The following KLHL6 variants were observed in gnomAD, a reference collection of about 807,000 sequenced individuals.
KLHL6 encodes kelch like family member 6.
KLHL6 carries 41 observed loss-of-function variants against 58.6 expected under a neutral mutation model. The observed-to-expected ratio is 0.70, with a 90% CI of 0.55 to 0.91. The LOEUF (loss-of-function observed/expected upper bound fraction) is 0.91, where lower values mean the gene tolerates loss of function less well. Among genes scored for constraint, KLHL6 ranks in the 40% least tolerant of loss-of-function variants. KLHL6 has a pLI of 0.00. For missense variants in KLHL6, 714 were observed against 805.6 expected (o/e 0.89, Z 1.38); for synonymous variants, 338 against 322.7 (o/e 1.05, Z -0.51).
chr3:183,504,728 G>A (rs1384533097), intron 3 of KLHL6, among the ~76,000 whole-genome samples: 1 of 152,176 alleles, frequency 6.6e-6, no homozygotes, highest in Admixed American at 6.5e-5. Context: ...TTCAGCATGT[G>A]CAGATTTGTT....
chr3:183,493,930 A>T, intron 5 of KLHL6, 149 bp downstream of exon 5: 1 of 713,844 alleles, frequency 1.4e-6, no homozygotes, highest in South Asian at 1.7e-5. Flanking sequence ...AGCTCCTAGG[A>T]GGAGGGAAGC....
Position 183,492,696 on chromosome 3 carries a change from G to A in KLHL6, c.1362C>T (p.Leu454=). The change falls in exon 6 of 7, where the codon CTC becomes CTT. Residue 454 remains leucine (L), a synonymous_variant. Coordinates refer to ENST00000341319, the MANE Select transcript of KLHL6 (RefSeq NM_130446.4). This position sits in a 1 kb window ranked among gnomAD's most constrained non-coding sequence, Gnocchi z 5.9. ...CTGCAAAGGAACTGACATGGACAAG[G>A]AGGGGTGCGGCCTGTAGAGGCACAG... The part of the protein sequence containing the change: ...FHNCWSEAAP[L]LVHVSSFAAT... The A allele has an allele frequency of 6.2e-7, 1 of 1,613,356 alleles. No individual in the cohort carries two copies. Among genetic ancestry groups the A allele is most frequent in the African/African-American group, 1.3e-5 (1 of 75,026 alleles).
At position 183,491,937 on chromosome 3, in the gene KLHL6, A is replaced by T; in HGVS notation, c.1856T>A (p.Val619Glu). The T allele has an allele frequency of 6.7e-7, 1 of 1,494,604 alleles. No individual in the cohort carries two copies. Among genetic ancestry groups the T allele is most frequent in the African/African-American group, 1.4e-5 (1 of 71,416 alleles). 92.6% of individuals were successfully genotyped at this position (1,494,604 alleles called of 1,614,324 possible). A position where few individuals can be genotyped will look rare whatever the true frequency, so the allele number is the denominator to read the frequency against. Residue 619 changes from valine to glutamate, a missense_variant, in exon 7 of 7, where the codon GTG becomes GAG. Coordinates refer to ENST00000341319, the MANE Select transcript of KLHL6 (RefSeq NM_130446.4). ...CTCCCCATCCTGCCGTCAGACAGAC[A>T]CTGCTCCGGGCACGATCCTGCGGAT... ...THIRRIVPGA[V>E]SV
chr3:183,551,812 G>GT (rs1380522329), intron 1 of KLHL6, among the ~76,000 whole-genome samples: 2 of 151,936 alleles, frequency 1.3e-5, no homozygotes, highest in Non-Finnish European at 1.5e-5. Flanking sequence ...AGGAATTTTT[G>GT]TTTTTTCATT....
chr3:183,514,517 G>C (rs1711508710), intron 2 of KLHL6, among the ~76,000 whole-genome samples: 1 of 151,856 alleles, frequency 6.6e-6, no homozygotes, highest in African/African-American at 2.4e-5. Context: ...CAACTCCAGA[G>C]CCCAACTTTT....
intron 3 of KLHL6, among the ~76,000 whole-genome samples, chr3:183,506,878 G>C (rs971025628): frequency 1.7e-4 from 25 of 150,246 alleles, no homozygotes; most frequent in Non-Finnish European, 3.0e-4. Context: ...ATAAATAAAA[G>C]GAGAAGTCTC....
Position 183,534,150 on chromosome 3 carries a change from A to ACTTTT in KLHL6, c.294-6141_294-6140insAAAAG, listed in dbSNP as rs1455531221. Among the ~76,000 whole-genome samples the ACTTTT allele has an allele frequency of 1.2e-3, 181 of 149,862 alleles. 3 individuals carry two copies. The highest frequency in any genetic ancestry group is 0.01 in the Admixed American group (157 of 15,010). On this transcript the variant is annotated intron_variant, in intron 1 of 6. Transcript: ENST00000341319. ...GTACTTTGTACTTTTAAAGTACTTTAAAAGTACTTTAAAAGACATTACTTT... is the reference window on the plus strand; with the variant it reads ...GTACTTTGTACTTTTAAAGTACTTTACTTTTAAAGTACTTTAAAAGACATTACTTT...
chr3:183,554,789 C>T (rs1266441323), intron 1 of KLHL6, among the ~76,000 whole-genome samples: 6 of 152,196 alleles, frequency 3.9e-5, no homozygotes. Flanking sequence ...AGGAAATATA[C>T]ACAAAAGGTT....
intron 2 of KLHL6, among the ~76,000 whole-genome samples, chr3:183,516,223 T>C (rs752690622): frequency 1.3e-5 from 2 of 152,202 alleles, no homozygotes; most frequent in African/African-American, 2.4e-5. Flanking sequence ...GTGAGGGGTG[T>C]AGGGCAACAT....
intron 1 of KLHL6, among the ~76,000 whole-genome samples, chr3:183,551,681 GA>G (rs990113099): frequency 2.0e-5 from 3 of 152,142 alleles, no homozygotes; most frequent in African/African-American, 7.2e-5. Flanking sequence ...GTCTAACACT[GA>G]AAAATCAAGA....
chr3:183,544,792 A>ACT, intron 1 of KLHL6: 1 of 154,904 alleles, frequency 6.5e-6, no homozygotes, highest in East Asian at 2.0e-4. Context: ...ACACACACAC[A>ACT]CACACACGCA....
chr3:183,530,446 A>T (rs531612850), intron 1 of KLHL6, among the ~76,000 whole-genome samples: 1 of 152,360 alleles, frequency 6.6e-6, no homozygotes, highest in East Asian at 1.9e-4. Flanking sequence ...GGAACTTGCA[A>T]ACAATGAAAT....
At chr3:183,525,359 T>C (rs1383081963) in intron 2 of KLHL6, among the ~76,000 whole-genome samples, 2 of 151,564 alleles carry the variant, frequency 1.3e-5, no homozygotes, top group Admixed American at 1.3e-4. Flanking sequence ...CTTAGGGAAA[T>C]GTTCTCATAG....
In KLHL6 at chr3:183,487,910, T is replaced by C. The variant is rs538683530; in HGVS notation, c.*4017A>G. 14 of 152,348 alleles carry C rather than the reference T, an allele frequency of 9.2e-5. No homozygotes were observed. The South Asian group carries it at 2.9e-3, about 32-fold the overall frequency. The allele number at this position is 152,348 out of a possible 1,614,324, so 9.4% of individuals were successfully genotyped here. On this transcript the variant is annotated 3_prime_UTR_variant, in exon 7 of 7. Transcript: ENST00000341319. ...GGTGTTGCCAACGTTAAAAATTCTATTGAGCACTTTCATTTTTCAGAATAA... is the reference window on the plus strand; with the variant it reads ...GGTGTTGCCAACGTTAAAAATTCTACTGAGCACTTTCATTTTTCAGAATAA...
intron 1 of KLHL6, among the ~76,000 whole-genome samples, chr3:183,550,833 C>T (rs942984717): frequency 6.6e-6 from 1 of 150,838 alleles, no homozygotes; most frequent in Non-Finnish European, 1.5e-5. Flanking sequence ...AAATTTACTT[C>T]CTATGGGCTG....
intron 4 of KLHL6, among the ~76,000 whole-genome samples, chr3:183,497,959 G>A (rs1717761208): frequency 6.6e-6 from 1 of 152,212 alleles, no homozygotes; most frequent in African/African-American, 2.4e-5. Context: ...ATTAAGGCCG[G>A]GCGCAGTGGC....
Position 183,494,291 on chromosome 3 carries a change from A to T in KLHL6, c.1148-10T>A. ...TGTGTTTCTTTGCCACCTGCAAGAG[A>T]TACAAAGCATTTAAGAAACCATCAG... On this transcript the variant is annotated splice_polypyrimidine_tract_variant and intron_variant, in intron 4 of 6. Coordinates refer to ENST00000341319, the MANE Select transcript of KLHL6 (RefSeq NM_130446.4). The T allele has an allele frequency of 6.2e-7, 1 of 1,603,316 alleles. No individual in the cohort carries two copies. The highest frequency in any genetic ancestry group is 8.5e-7 in the Non-Finnish European group (1 of 1,170,324).
intron 2 of KLHL6, among the ~76,000 whole-genome samples, chr3:183,516,627 C>T (rs1327017625): frequency 6.6e-6 from 1 of 152,236 alleles, no homozygotes; most frequent in Non-Finnish European, 1.5e-5. Context: ...TCTGCTTCCC[C>T]ATGACGTTCT....
chr3:183,492,826 T>G lies in KLHL6; in HGVS notation c.1351-119A>C. 3 of 848,170 alleles carry G rather than the reference T, an allele frequency of 3.5e-6. No homozygotes were observed. Among genetic ancestry groups the G allele is most frequent in the Non-Finnish European group, 5.5e-6 (3 of 542,462 alleles). 52.5% of individuals were successfully genotyped at this position (848,170 alleles called of 1,614,324 possible). A position where few individuals can be genotyped will look rare whatever the true frequency, so the allele number is the denominator to read the frequency against. ...AGAACTGGGCATCTTTTGCCTATAG[T>G]CACAAGGCCCATGGGCTTGACTCCT... On this transcript the variant is annotated intron_variant, in intron 5 of 6. Transcript: ENST00000341319. The surrounding 1 kb of genome is among the most constrained non-coding windows in gnomAD (Gnocchi z 5.9).
Sources: allele counts gnomAD v4.1 joint callset (sites outside exome capture counted in the v4.1 genomes callset), GRCh38; gene constraint gnomAD v4.1.1; non-coding constraint Gnocchi (gnomAD v3.1); transcripts MANE v1.5; gene names NCBI Gene and HGNC (gene_info 2026-07-23, HGNC 2026-07-21).